Variants in ANK3 observed in about 807,000 individuals in gnomAD.
ANK3 encodes the protein ankyrin 3.
ANK3 carries 57 observed loss-of-function variants against 370.9 expected under a neutral mutation model. The ratio of observed to expected loss-of-function variants is 0.15; its 90% CI spans 0.12 to 0.19. The LOEUF is 0.19. Ranked by LOEUF, ANK3 falls within the 10% of genes least tolerant of loss-of-function variation. ANK3 has a pLI of 1.00. For missense variants in ANK3, 4,439 were observed against 5,302.1 expected, an observed-to-expected ratio of 0.84 and a Z score of 5.06; for synonymous variants, 1,929 against 1,946.3, an observed-to-expected ratio of 0.99 and a Z score of 0.23.
intron 1 of ANK3, among the ~76,000 whole-genome samples, chr10:60,722,443 C>G (rs1373727686): frequency 6.6e-6 from 1 of 151,142 alleles, no homozygotes; most frequent in Non-Finnish European, 1.5e-5. Context: ...GATCTTGTCT[C>G]TAAATAAAAA....
At chr10:60,104,734 C>T (rs910642632) in intron 28 of ANK3, among the ~76,000 whole-genome samples, 1 of 152,112 alleles carries the variant, frequency 6.6e-6, no homozygotes, top group African/African-American at 2.4e-5. Context: ...GTGTCTTATA[C>T]CAAACCTTTG....
chr10:60,546,461 G>A (rs1189156792), intron 2 of ANK3, among the ~76,000 whole-genome samples: 1 of 152,104 alleles, frequency 6.6e-6, no homozygotes, highest in Non-Finnish European at 1.5e-5. Flanking sequence ...GCTTATCACT[G>A]AAATTAAAAG....
chr10:60,361,648 C>A (rs919463602), intron 1 of ANK3, among the ~76,000 whole-genome samples: 1 of 152,086 alleles, frequency 6.6e-6, no homozygotes, highest in Non-Finnish European at 1.5e-5. Context: ...TGTAGTGGAA[C>A]AAGGTATGGG....
intron 28 of ANK3, among the ~76,000 whole-genome samples, chr10:60,092,027 C>G (rs1187044707): frequency 1.3e-5 from 2 of 152,234 alleles, no homozygotes; most frequent in East Asian, 3.9e-4. Context: ...CCGCGCCAGG[C>G]TACGTTTGTA....
intron 2 of ANK3, among the ~76,000 whole-genome samples, chr10:60,545,228 A>G (rs1304009292): frequency 6.6e-6 from 1 of 152,022 alleles, no homozygotes; most frequent in African/African-American, 2.4e-5. Context: ...AAGAGATGGA[A>G]GCCAAATCAT....
intron 1 of ANK3, among the ~76,000 whole-genome samples, chr10:60,353,048 A>G (rs10740025): frequency 0.69 from 104,078 of 151,804 alleles, 37,117 homozygotes; most frequent in South Asian, 0.9. Flanking sequence ...CAGAGGCGTG[A>G]TCTCGGCTCA....
intron 38 of ANK3, among the ~76,000 whole-genome samples, chr10:60,067,456 C>T (rs114719963): frequency 0.01 from 1,546 of 152,168 alleles, 20 homozygotes; most frequent in African/African-American, 0.034. Context: ...ATGTGTATAT[C>T]GTACAAAATG....
intron 23 of ANK3, among the ~76,000 whole-genome samples, chr10:60,161,017 A>G (rs2095485642): frequency 6.6e-6 from 1 of 152,212 alleles, no homozygotes; most frequent in Non-Finnish European, 1.5e-5. Flanking sequence ...TTCATTCAAC[A>G]TAGTACTAGA....
At chr10:60,056,287 G>A (rs1342331713) in intron 41 of ANK3, among the ~76,000 whole-genome samples, 2 of 151,978 alleles carry the variant, frequency 1.3e-5, no homozygotes, top group Non-Finnish European at 2.9e-5. Flanking sequence ...TGGCCAACGT[G>A]GCAAAACCCC....
rs554451259 is a variant in ANK3, at chr10:60,376,110, C to G, written c.114+13315G>C. On this transcript the variant is annotated intron_variant, in intron 1 of 43. Coordinates refer to ENST00000280772, the MANE Select transcript of ANK3 (RefSeq NM_020987.5). ...CACAGAGAAGTAGTAGTAATTGTGT[C>G]AAGATTCAAACCCAAGCCGGTCTGC... Among the ~76,000 whole-genome samples, 21 of 152,252 alleles carry G rather than the reference C, an allele frequency of 1.4e-4. No homozygotes were observed. The East Asian group carries it at 2.7e-3, about 20-fold the overall frequency.
intron 1 of ANK3, among the ~76,000 whole-genome samples, chr10:60,635,760 G>A (rs10994443): frequency 0.11 from 17,253 of 151,080 alleles, 1,442 homozygotes; most frequent in East Asian, 0.27. Flanking sequence ...CAGATTAATA[G>A]TGCTTTAAAC....
chr10:60,393,262 G>A (rs994190587), upstream of ANK3, among the ~76,000 whole-genome samples: 2 of 152,190 alleles, frequency 1.3e-5, no homozygotes, highest in Admixed American at 1.3e-4. Context: ...GCTTTGGTGA[G>A]CACAATTTGA....
chr10:60,257,184 A>T (rs1254020558), intron 7 of ANK3, among the ~76,000 whole-genome samples: 1 of 152,252 alleles, frequency 6.6e-6, no homozygotes, highest in Admixed American at 6.5e-5. Flanking sequence ...TTATCCAAAC[A>T]TTAAAATATC....
intron 1 of ANK3, among the ~76,000 whole-genome samples, chr10:60,330,880 T>C (rs2051081065): frequency 6.6e-6 from 1 of 152,178 alleles, no homozygotes; most frequent in Admixed American, 6.5e-5. Context: ...TGCCCATCAA[T>C]GTTAGACTGG....
intron 43 of ANK3, among the ~76,000 whole-genome samples, chr10:60,033,218 G>T (rs1303017031): frequency 6.6e-6 from 1 of 151,742 alleles, no homozygotes; most frequent in Admixed American, 6.6e-5. Context: ...ACGAAAACAG[G>T]GCCACGCACG....
intron 4 of ANK3, among the ~76,000 whole-genome samples, chr10:60,271,837 C>T (rs2097991923): frequency 6.6e-6 from 1 of 150,858 alleles, no homozygotes; most frequent in Non-Finnish European, 1.5e-5. Flanking sequence ...TAGCTATGTA[C>T]TTATCAGAGA....
intron 2 of ANK3, among the ~76,000 whole-genome samples, chr10:60,405,582 G>A (rs2063438620): frequency 6.6e-6 from 1 of 152,158 alleles, no homozygotes; most frequent in Non-Finnish European, 1.5e-5. Context: ...CCAAGTATAT[G>A]CTTTTGCCAA....
intron 1 of ANK3, among the ~76,000 whole-genome samples, chr10:60,638,522 GACAT>G (rs201296924): frequency 0.011 from 1,631 of 151,582 alleles, 23 homozygotes; most frequent in African/African-American, 0.038. Flanking sequence ...AAAATTAGCA[GACAT>G]ACAAAGAAGC....
intron 2 of ANK3, among the ~76,000 whole-genome samples, chr10:60,411,512 A>C (rs768092157): frequency 5.3e-5 from 8 of 152,194 alleles, no homozygotes; most frequent in Non-Finnish European, 5.9e-5. Flanking sequence ...TGTGGCAGGC[A>C]GTCTGCTTCT....
Sources: gnomAD v4.1 joint callset for allele counts (sites outside exome capture counted in the v4.1 genomes callset) on GRCh38, gnomAD v4.1.1 for gene constraint, MANE v1.5 for transcripts, NCBI Gene and HGNC (gene_info 2026-07-23, HGNC 2026-07-21) for gene names.